Variants in PDE1C observed in about 807,000 individuals in gnomAD.
The protein encoded by PDE1C is dual specificity calcium/calmodulin-dependent 3',5'-cyclic nucleotide phosphodiesterase 1C.
Under a neutral mutation model 93.1 loss-of-function variants are expected in PDE1C, and 62 were observed. The ratio of observed to expected loss-of-function variants is 0.67; its 90% CI spans 0.54 to 0.82. The LOEUF (loss-of-function observed/expected upper bound fraction) is 0.82, where lower values mean the gene tolerates loss of function less well. Among genes scored for constraint, PDE1C ranks in the 40% least tolerant of loss-of-function variants. The probability of loss-of-function intolerance (pLI) is 0.00; values close to 1 mark genes in which losing one functional copy is unlikely to be tolerated. For missense variants in PDE1C, 742 were observed against 884.6 expected, an observed-to-expected ratio of 0.84 and a Z score of 2.04; for synonymous variants, 325 against 310.1, an observed-to-expected ratio of 1.05 and a Z score of -0.50.
chr7:31,966,960 G>A (rs932169905), intron 2 of PDE1C, among the ~76,000 whole-genome samples: 4 of 152,096 alleles, frequency 2.6e-5, no homozygotes, highest in African/African-American at 4.8e-5. Flanking sequence ...ATTCAAAGCA[G>A]TGTGTAGAGG....
chr7:31,810,874 A>G (rs998550188), intron 15 of PDE1C, among the ~76,000 whole-genome samples: 1 of 152,174 alleles, frequency 6.6e-6, no homozygotes, highest in Non-Finnish European at 1.5e-5. Flanking sequence ...TGATTATCTA[A>G]GCATGATTCA....
intron 1 of PDE1C, among the ~76,000 whole-genome samples, chr7:32,400,829 G>A (rs954194142): frequency 6.6e-6 from 1 of 152,206 alleles, no homozygotes; most frequent in East Asian, 1.9e-4. Context: ...AATACAGAAG[G>A]TTCCCTTCCT....
chr7:32,199,741 T>C lies in PDE1C; in HGVS notation c.136+9748A>G, dbSNP rs185456241. Among the ~76,000 whole-genome samples, 37 of 152,282 alleles carry C rather than the reference T, an allele frequency of 2.4e-4. No individual in the cohort carries two copies. In the East Asian group the frequency reaches 6.9e-3, roughly 29 times the overall value. On this transcript the variant is annotated intron_variant, in intron 2 of 18. Transcript: ENST00000396193. ...TTTAAATAGACCTAGTCTTTTTTTT[T>C]CCAGTTTGTCATTATACCACAGGTT...
intron 1 of PDE1C, among the ~76,000 whole-genome samples, chr7:32,334,969 AT>A (rs1783587920): frequency 1.3e-5 from 2 of 152,162 alleles, no homozygotes; most frequent in African/African-American, 2.4e-5. Flanking sequence ...TATTCTGTAG[AT>A]CTTGGCAGAA....
chr7:31,786,565 G>C (rs1334843313), intron 16 of PDE1C: 1 of 152,180 alleles, frequency 6.6e-6, no homozygotes, highest in Admixed American at 6.5e-5. Flanking sequence ...AGACGATTTT[G>C]AATGTGTTTC....
At chr7:31,945,316 T>C (rs895024534) in intron 2 of PDE1C, among the ~76,000 whole-genome samples, 19 of 152,148 alleles carry the variant, frequency 1.2e-4, no homozygotes, top group Non-Finnish European at 1.9e-4. Context: ...TACTCATTTA[T>C]TTCTTCTCTG....
chr7:31,834,494 C>T (rs1790816024), intron 11 of PDE1C, among the ~76,000 whole-genome samples: 1 of 152,188 alleles, frequency 6.6e-6, no homozygotes, highest in Non-Finnish European at 1.5e-5. Flanking sequence ...GAGAACCCAT[C>T]TCTTGCATCA....
At chr7:31,754,185 T>C (rs4723101) in intron 17 of PDE1C, among the ~76,000 whole-genome samples, 91,737 of 152,098 alleles carry the variant, frequency 0.6, 30,645 homozygotes, top group Non-Finnish European at 0.76. Context: ...AAAACAACTA[T>C]ATGCTACTAC....
At chr7:31,883,337 T>C (rs1206886392) in intron 2 of PDE1C, among the ~76,000 whole-genome samples, 1 of 152,210 alleles carries the variant, frequency 6.6e-6, no homozygotes. Flanking sequence ...GTTAAATGGA[T>C]TGTTGATTCA....
chr7:32,412,952 A>G (rs570993186), intron 1 of PDE1C, among the ~76,000 whole-genome samples: 1 of 152,324 alleles, frequency 6.6e-6, no homozygotes, highest in South Asian at 2.1e-4. Flanking sequence ...ATGGGAGTAC[A>G]GCGGAGATTG....
intron 3 of PDE1C, among the ~76,000 whole-genome samples, chr7:32,127,108 CATTA>C (rs1799630895): frequency 1.3e-5 from 2 of 152,144 alleles, no homozygotes; most frequent in South Asian, 4.1e-4. Flanking sequence ...TGAGTTGGGA[CATTA>C]ATTCTTTTCT....
chr7:31,890,067 C>T (rs907102094), intron 2 of PDE1C, among the ~76,000 whole-genome samples: 9 of 152,008 alleles, frequency 5.9e-5, no homozygotes, highest in Middle Eastern at 3.2e-3. Flanking sequence ...AGTTTGTAGG[C>T]GAGCAGACCT....
intron 1 of PDE1C, among the ~76,000 whole-genome samples, chr7:32,309,764 A>G (rs902127429): frequency 6.6e-6 from 1 of 152,238 alleles, no homozygotes; most frequent in Non-Finnish European, 1.5e-5. Context: ...AAACATGGAA[A>G]GGAAAAACTG....
At chr7:32,372,456 G>A (rs1047658728) in intron 1 of PDE1C, among the ~76,000 whole-genome samples, 8 of 152,076 alleles carry the variant, frequency 5.3e-5, no homozygotes, top group East Asian at 1.9e-4. Flanking sequence ...ATGGAAGTTC[G>A]ACCCTTCCTC....
At chr7:31,983,494 G>C (rs1348146013) in intron 2 of PDE1C, among the ~76,000 whole-genome samples, 1 of 152,126 alleles carries the variant, frequency 6.6e-6, no homozygotes, top group Non-Finnish European at 1.5e-5. Context: ...TATCACAACT[G>C]AGAACTCCAA....
intron 1 of PDE1C, among the ~76,000 whole-genome samples, chr7:32,053,036 T>C (rs1029923457): frequency 1.3e-5 from 2 of 152,204 alleles, no homozygotes; most frequent in Non-Finnish European, 2.9e-5. Context: ...TTATATTATA[T>C]CACATATAAT....
intron 12 of PDE1C, among the ~76,000 whole-genome samples, 195 bp downstream of exon 12, chr7:31,828,097 T>C (rs1036003912): frequency 1.3e-5 from 2 of 152,104 alleles, no homozygotes; most frequent in Non-Finnish European, 2.9e-5. Flanking sequence ...CATTGTCCAA[T>C]TCTCCCATGA....
chr7:31,935,423 A>G (rs1804905873), intron 2 of PDE1C, among the ~76,000 whole-genome samples: 1 of 152,150 alleles, frequency 6.6e-6, no homozygotes, highest in Non-Finnish European at 1.5e-5. Flanking sequence ...GCACAAGTTC[A>G]TCCTTCTCTA....
chr7:32,298,434 C>T (rs1812765562), intron 1 of PDE1C, among the ~76,000 whole-genome samples: 1 of 152,108 alleles, frequency 6.6e-6, no homozygotes, highest in South Asian at 2.1e-4. Flanking sequence ...CCGCGCGACG[C>T]CGGGTCGGAG....
Sources: gnomAD v4.1 joint callset for allele counts (sites outside exome capture counted in the v4.1 genomes callset) on GRCh38, gnomAD v4.1.1 for gene constraint, MANE v1.5 for transcripts, NCBI Gene and HGNC (gene_info 2026-07-23, HGNC 2026-07-21) for gene names.